Variants in SBF1 observed in about 807,000 individuals in gnomAD.
SBF1 encodes the protein SET binding factor 1, also known as myotubularin-related protein 5.
A neutral mutation model predicts 215.8 loss-of-function variants in SBF1; 65 were observed. That is an observed-to-expected ratio of 0.30 (90% CI 0.25 to 0.37). The LOEUF is 0.37. Ranked by LOEUF, SBF1 falls within the 10% of genes least tolerant of loss-of-function variation. The pLI is 1.00. For synonymous variants in SBF1, 1,410 were observed against 1,122.8 expected (o/e 1.26, Z -5.11); for missense variants, 2,634 against 2,667.8 (o/e 0.99, Z 0.28).
At position 50,459,981 on chromosome 22, in the gene SBF1, C is replaced by T. The variant is rs371815025; in HGVS notation, c.3462G>A (p.Pro1154=). The change falls in exon 26 of 41, where the codon CCG becomes CCA. Residue 1154 remains proline, a synonymous_variant. Transcript: ENST00000380817. ...GGCAGATGGCATACATGCGGTTGAC[C>T]GGAGAAATGCGGAAGGGCTCAGACT... ...RAKSEPFRIS[P]VNRMYAICRS... is the part of the protein sequence containing the mutation. The T allele has an allele frequency of 8.7e-6, 14 of 1,613,854 alleles. No homozygotes were observed. The highest frequency in any genetic ancestry group is 1.3e-5 in the African/African-American group (1 of 75,072).
intron 5 of SBF1, 53 bp downstream of exon 5, chr22:50,467,284 GC>G: frequency 6.9e-7 from 1 of 1,455,662 alleles, no homozygotes; most frequent in Non-Finnish European, 9.6e-7. Flanking sequence ...ACCTACCAGG[GC>G]CCCAGCAGGA....
chr22:50,464,877 T>C lies in SBF1; in HGVS notation c.1373A>G (p.Asn458Ser), dbSNP rs778155251. The C allele has an allele frequency of 1.9e-6, 3 of 1,613,642 alleles. No individual in the cohort carries two copies. The highest frequency in any genetic ancestry group is 2.5e-6 in the Non-Finnish European group (3 of 1,179,998). The change falls in exon 13 of 41, where the codon AAC becomes AGC. Residue 458 changes from asparagine (N) to serine (S), a missense_variant. Transcript: ENST00000380817. ...GTGACGCAGGACACGCTGGGGGTGG[T>C]TCTCATCCGCCCGCATCCTTGCCAC... ...HEVARMRADE[N>S]HPQRVLRHVQ...
chr22:50,447,018 T>C lies in SBF1; in HGVS notation c.*124A>G, dbSNP rs2148548097. The C allele has an allele frequency of 4.6e-6, 4 of 861,148 alleles. No individual in the cohort carries two copies. In the East Asian group the frequency reaches 1.1e-4, roughly 23 times the overall value. 53.3% of individuals were successfully genotyped at this position (861,148 alleles called of 1,614,324 possible). A position where few individuals can be genotyped will look rare whatever the true frequency, so the allele number is the denominator to read the frequency against. ...CGGGGACGGGGGCTGTACACACAAG[T>C]GCTGGGGGCTCGGGGCCTCAATACT... On this transcript the variant is annotated 3_prime_UTR_variant, in exon 41 of 41. Coordinates refer to ENST00000380817, the MANE Select transcript of SBF1 (RefSeq NM_002972.4).
chr22:50,454,136 C>T (rs540981277), intron 36 of SBF1, among the ~76,000 whole-genome samples: 2 of 152,220 alleles, frequency 1.3e-5, no homozygotes, highest in Admixed American at 6.5e-5. Flanking sequence ...GTGGGGCAGG[C>T]GGTCTGGCAG....
intron 13 of SBF1, 34 bp from the exon 14 acceptor site, chr22:50,464,772 C>G (rs778454511): frequency 1.2e-6 from 2 of 1,610,296 alleles, no homozygotes; most frequent in Non-Finnish European, 1.7e-6. Flanking sequence ...GGCAGGGGCC[C>G]AGGGATCAAG....
At chr22:50,469,127 G>C (rs1260878392) in intron 1 of SBF1, among the ~76,000 whole-genome samples, 1 of 152,082 alleles carries the variant, frequency 6.6e-6, no homozygotes, top group Non-Finnish European at 1.5e-5. Context: ...GAAGGATGGA[G>C]ACTTGGTCCA....
chr22:50,446,455 C>T lies in SBF1; in HGVS notation c.*687G>A, dbSNP rs569083728. ...TGTCCTCTGGACCTGCAACAGCCTT[C>T]TGGGGTCAAATGACCACCCACCCTT... On this transcript the variant is annotated 3_prime_UTR_variant, in exon 41 of 41. Transcript: ENST00000380817. The T allele has an allele frequency of 5.5e-6, 1 of 182,490 alleles. No individual in the cohort carries two copies. Among genetic ancestry groups the T allele is most frequent in the African/African-American group, 2.4e-5 (1 of 41,782 alleles). The allele number at this position is 182,490 out of a possible 1,614,324, so 11.3% of individuals were successfully genotyped here.
Position 50,465,113 on chromosome 22 carries a change from T to C in SBF1, c.1220A>G (p.Gln407Arg), listed in dbSNP as rs373532196. 4 of 1,613,950 alleles carry C rather than the reference T, an allele frequency of 2.5e-6. No homozygotes were observed. Among genetic ancestry groups the C allele is most frequent in the African/African-American group, 1.3e-5 (1 of 74,914 alleles). The change falls in exon 12 of 41, where the codon CAG (glutamine) becomes CGG (arginine). Residue 407 changes from glutamine (Q) to arginine (R), a missense_variant. Physicochemically the swap from Gln to Arg is conservative, Grantham distance 43. Transcript: ENST00000380817. Reference protein sequence around the residue: ...IRFHKAAFLGQRGLVEDDFLM... With the variant: ...IRFHKAAFLGRRGLVEDDFLM... Reference sequence around the variant, plus strand: ...GAAATCGTCCTCTACCAGCCCACGCTGGCCCAGGAAGGCTGCCTGGATGAC... The same window carrying C: ...GAAATCGTCCTCTACCAGCCCACGCCGGCCCAGGAAGGCTGCCTGGATGAC...
Position 50,460,285 on chromosome 22 carries a change from C to G in SBF1, c.3270G>C (p.Glu1090Asp), listed in dbSNP as rs754553307. 2.2e-5 allele frequency: 36 copies of G among 1,606,922 alleles called. 1 individual carries two copies. The South Asian group carries it at 3.8e-4, about 17-fold the overall frequency. The change falls in exon 25 of 41, where the codon GAG becomes GAC. Residue 1090 changes from glutamate to aspartate, a missense_variant. Coordinates refer to ENST00000380817, the MANE Select transcript of SBF1 (RefSeq NM_002972.4). ...CCACCCCTCCACCTGAGATCTCGTC[C>G]TCCTGGTCCTCAGGGGGCGGCTGGC... is the stretch of plus-strand genomic sequence containing the variant. ...HRGQPPPEDQ[E>D]DEISVSEELE...
chr22:50,447,411 C>T lies in SBF1; in HGVS notation c.5494G>A (p.Val1832Ile). ...DHRVDTECKG[V>I]IDLAEVEAVA... is the part of the protein sequence containing the mutation. ...GCCTCCACCTCCGCCAAGTCGATGA[C>T]ACCCTTGCACTCTGTGTCCACACGG... Residue 1832 changes from valine to isoleucine, a missense_variant, in exon 40 of 41, where the codon GTC becomes ATC. Transcript: ENST00000380817. The T allele has an allele frequency of 6.2e-7, 1 of 1,614,082 alleles. No homozygotes were observed. Among genetic ancestry groups the T allele is most frequent in the Non-Finnish European group, 8.5e-7 (1 of 1,179,990 alleles).
chr22:50,456,173 G>A (rs373734175), intron 31 of SBF1, 43 bp downstream of exon 31: 2 of 1,597,690 alleles, frequency 1.3e-6, no homozygotes, highest in Non-Finnish European at 1.7e-6. Context: ...CAAGGGGAGG[G>A]CCCAGCACCA....
rs377184342 is a variant in SBF1, at chr22:50,465,209, C to T, written c.1203+6G>A. 97 of 1,612,712 alleles carry T rather than the reference C, an allele frequency of 6.0e-5. No homozygotes were observed. In the East Asian group the frequency reaches 1.8e-3, roughly 30 times the overall value. On this transcript the variant is annotated splice_donor_region_variant and intron_variant, in intron 11 of 40. Coordinates refer to ENST00000380817, the MANE Select transcript of SBF1 (RefSeq NM_002972.4). ...CTACCCCACGCCCAGCCACCAGGCA[C>T]CCCACCTTATGGAAGCGGATGACAG...
At chr22:50,456,077 C>A in intron 31 of SBF1, 139 bp downstream of exon 31, 1 of 922,020 alleles carries the variant, frequency 1.1e-6, no homozygotes. Context: ...GCACCAGAGC[C>A]TGGGTGGGAA....
rs189874764 is a variant in SBF1 at position 50,466,132 on chromosome 22, A to G, written c.897+18T>C. On this transcript the variant is annotated intron_variant, in intron 8 of 40. Coordinates refer to ENST00000380817, the MANE Select transcript of SBF1 (RefSeq NM_002972.4). ...TGCAGGCCTGGGCCGTGAGGTGGAC[A>G]CAAAGCACAGCCCTTACCAGCTCCT... is the stretch of plus-strand genomic sequence containing the variant. 2.7e-5 allele frequency: 44 copies of G among 1,613,380 alleles called. No homozygotes were observed. The highest frequency in any genetic ancestry group is 3.4e-5 in the Non-Finnish European group (40 of 1,179,766).
rs1193623556 is a variant in SBF1 at position 50,475,005 on chromosome 22, G to T, written c.-165C>A. On this transcript the variant is annotated 5_prime_UTR_variant, in exon 1 of 41. Coordinates refer to ENST00000380817, the MANE Select transcript of SBF1 (RefSeq NM_002972.4). Reference sequence around the variant, plus strand: ...GGCGGCGGCGGCGGCCCAGGTTCCCGCCGCCATCTTCCCAGCCAGCCGGCC... The same window carrying T: ...GGCGGCGGCGGCGGCCCAGGTTCCCTCCGCCATCTTCCCAGCCAGCCGGCC... 6 of 226,614 alleles carry T rather than the reference G, an allele frequency of 2.6e-5. No homozygotes were observed. The highest frequency in any genetic ancestry group is 3.1e-5 in the Non-Finnish European group (4 of 130,610). 14.0% of individuals were successfully genotyped at this position (226,614 alleles called of 1,614,324 possible). A position where few individuals can be genotyped will look rare whatever the true frequency, so the allele number is the denominator to read the frequency against.
Position 50,460,628 on chromosome 22 carries a change from G to T in SBF1, c.3052C>A (p.Pro1018Thr), listed in dbSNP as rs745787112. The change falls in exon 24 of 41, where the codon CCG becomes ACG. Residue 1018 changes from proline (P) to threonine (T), a missense_variant. Pro to Thr is a conservative substitution (Grantham distance 38, BLOSUM62 -1). Transcript: ENST00000380817. ...RKQLHKLRYP[P>T]DIRATFAFTL... ...AACGCAAAGGTGGCCCTGATGTCCG[G>T]CGGGTACCGCAGCTTATGCAGCTGC... 10 of 1,613,972 alleles carry T rather than the reference G, an allele frequency of 6.2e-6. No homozygotes were observed. The African/African-American group carries it at 8.0e-5, about 13-fold the overall frequency.
chr22:50,463,534 C>G (rs1227095085), intron 15 of SBF1, 102 bp from the exon 16 acceptor site: 1 of 1,306,828 alleles, frequency 7.7e-7, no homozygotes. Context: ...AAATGCCTTT[C>G]AGGTGGGGTG....
intron 36 of SBF1, 131 bp downstream of exon 36, chr22:50,454,381 A>T: frequency 1.3e-6 from 1 of 786,606 alleles, no homozygotes; most frequent in Non-Finnish European, 2.1e-6. Flanking sequence ...GGGAGACGGC[A>T]GGGCCACACC....
chr22:50,446,356 T>TCTCCCCCCCCCCCCCCCCCCC lies in SBF1; in HGVS notation c.*785_*786insGGGGGGGGGGGGGGGGGGGAG. 2.9e-5 allele frequency: 1 copy of TCTCCCCCCCCCCCCCCCCCCC among 35,042 alleles called. No individual in the cohort carries two copies. The highest frequency in any genetic ancestry group is 5.2e-4 in the East Asian group (1 of 1,906). The allele number at this position is 35,042 out of a possible 1,614,324, so 2.2% of individuals were successfully genotyped here. ...CCTGCATTCCCCTGGGAGCCCACTGTCCCCCCCCCCCCCCCGCCTCCGGCC... is the reference window on the plus strand; with the variant it reads ...CCTGCATTCCCCTGGGAGCCCACTGTCTCCCCCCCCCCCCCCCCCCCCCCCCCCCCCCCCCCGCCTCCGGCC... On this transcript the variant is annotated 3_prime_UTR_variant, in exon 41 of 41. Coordinates refer to ENST00000380817, the MANE Select transcript of SBF1 (RefSeq NM_002972.4).
Sources: gnomAD v4.1 joint callset for allele counts (sites outside exome capture counted in the v4.1 genomes callset) on GRCh38, gnomAD v4.1.1 for gene constraint, MANE v1.5 for transcripts, NCBI Gene and HGNC (gene_info 2026-07-23, HGNC 2026-07-21) for gene names.